The following COL20A1 variants were observed in gnomAD, a reference collection of about 807,000 sequenced individuals.
COL20A1 encodes collagen alpha-1(XX) chain.
COL20A1 carries 164 observed loss-of-function variants against 152.9 expected under a neutral mutation model. The ratio of observed to expected loss-of-function variants is 1.07; its 90% CI spans 0.94 to 1.22. The LOEUF (loss-of-function observed/expected upper bound fraction) is 1.22. Ranked by LOEUF, COL20A1 falls within the 50% of genes most tolerant of loss-of-function variation. The probability of loss-of-function intolerance (pLI) is 0.00; values close to 1 mark genes in which losing one functional copy is unlikely to be tolerated. For missense variants in COL20A1, 1,873 were observed against 1,744.8 expected (o/e 1.07, Z -1.31); for synonymous variants, 864 against 756.0 (o/e 1.14, Z -2.34).
intron 25 of COL20A1, 125 bp downstream of exon 25, chr20:63,320,493 C>A: frequency 1.0e-6 from 1 of 960,326 alleles, no homozygotes; most frequent in Non-Finnish European, 1.6e-6. Context: ...TCAGGGAAGG[C>A]TTTCAGAGGA....
intron 35 of COL20A1, among the ~76,000 whole-genome samples, chr20:63,329,992 G>A (rs1400665069): frequency 8.5e-5 from 13 of 152,154 alleles, no homozygotes; most frequent in African/African-American, 2.9e-4. Flanking sequence ...CCTGACCAGG[G>A]TTAGCGCAGC....
intron 27 of COL20A1, among the ~76,000 whole-genome samples, chr20:63,322,923 C>G (rs1342981590): frequency 6.6e-6 from 1 of 152,260 alleles, no homozygotes; most frequent in Non-Finnish European, 1.5e-5. Context: ...GCTGGAGCCT[C>G]AGAGCACATC....
intron 27 of COL20A1, chr20:63,325,230 G>A (rs777967194): frequency 2.9e-5 from 20 of 694,656 alleles, no homozygotes; most frequent in East Asian, 2.7e-4. Flanking sequence ...GGTGGCAAGC[G>A]TGACCTTGTC....
intron 29 of COL20A1, among the ~76,000 whole-genome samples, 181 bp downstream of exon 29, chr20:63,325,902 C>G (rs1222445549): frequency 6.6e-6 from 1 of 152,050 alleles, no homozygotes; most frequent in African/African-American, 2.4e-5. Context: ...AGAGCTCCAG[C>G]CCACCCCAGG....
rs372981936 is a variant in COL20A1, at chr20:63,297,953, G to A, written c.126G>A (p.Leu42=). 6 of 1,613,200 alleles carry A rather than the reference G, an allele frequency of 3.7e-6. No homozygotes were observed. The highest frequency in any genetic ancestry group is 5.1e-6 in the Non-Finnish European group (6 of 1,179,854). ...LRLAVLPEDR[L]QMKWRESEGS... ...TGGCTGTGCTGCCTGAGGACCGGCT[G>A]CAGATGAAGTGGAGAGAGTCGGAGG... is the stretch of plus-strand genomic sequence containing the variant. The change falls in exon 3 of 36, where the codon CTG becomes CTA. Residue 42 remains leucine (L), a synonymous_variant. Transcript: ENST00000358894.
chr20:63,320,376 C>T lies in COL20A1; in HGVS notation c.3153+8C>T. ...TGTGAGCTCCCTGCCTCGGTGTGCC[C>T]CGTCCCTTGCCCCTGTTCCACGAAG... On this transcript the variant is annotated splice_region_variant and intron_variant, in intron 25 of 35. Transcript: ENST00000358894. 3 of 1,610,322 alleles carry T rather than the reference C, an allele frequency of 1.9e-6. No homozygotes were observed. The highest frequency in any genetic ancestry group is 2.5e-6 in the Non-Finnish European group (3 of 1,179,612).
chr20:63,306,105 C>T lies in COL20A1; in HGVS notation c.496+66C>T. 1.4e-6 allele frequency: 2 copies of T among 1,412,386 alleles called. No individual in the cohort carries two copies. The highest frequency in any genetic ancestry group is 9.6e-7 in the Non-Finnish European group (1 of 1,039,404). The allele number at this position is 1,412,386 out of a possible 1,614,324, so 87.5% of individuals were successfully genotyped here. ...GTGACCTTTGGTTTCCCACATTTCC[C>T]ACCATGAGGCCAGGAAGTTCTTCCT... On this transcript the variant is annotated intron_variant, in intron 5 of 35. Transcript: ENST00000358894. This position sits in a 1 kb window ranked among gnomAD's most constrained non-coding sequence, Gnocchi z 6.9.
rs2068350757 is a variant in COL20A1 at position 63,332,917 on chromosome 20, T to G, written c.*2201T>G. On this transcript the variant is annotated 3_prime_UTR_variant, in exon 36 of 36. Coordinates refer to ENST00000358894, the MANE Select transcript of COL20A1 (RefSeq NM_020882.4). The stretch of plus-strand genomic sequence containing the variant: ...AAGGGAGCTGAGAGCAGCCTCCGGA[T>G]GCACCAAACCGGCCTGGCTCCTGTT... 2 of 152,266 alleles carry G rather than the reference T, an allele frequency of 1.3e-5. No homozygotes were observed. The highest frequency in any genetic ancestry group is 6.5e-5 in the Admixed American group (1 of 15,282). The allele number at this position is 152,266 out of a possible 1,614,324, so 9.4% of individuals were successfully genotyped here.
At position 63,313,539 on chromosome 20, in the gene COL20A1, G is replaced by T. The variant is rs1466625219; in HGVS notation, c.2210-204G>T. Among the ~76,000 whole-genome samples, 1 of 152,084 alleles carries T rather than the reference G, an allele frequency of 6.6e-6. No homozygotes were observed. Among genetic ancestry groups the T allele is most frequent in the Non-Finnish European group, 1.5e-5 (1 of 67,960 alleles). On this transcript the variant is annotated intron_variant, in intron 17 of 35. Coordinates refer to ENST00000358894, the MANE Select transcript of COL20A1 (RefSeq NM_020882.4). The surrounding 1 kb of genome is among the most constrained non-coding windows in gnomAD (Gnocchi z 5.9). ...GGGCCCTGGCAGGTGGCGTGGTGTG[G>T]GTGTGGTGGGGTGCGGTGTGGGCAG...
Position 63,315,453 on chromosome 20 carries a change from G to A in COL20A1, c.2524+14G>A. ...GCTCCCTCCCAGGTGGGTCCTGCAT[G>A]CCCTCCCCTGCCTGCCCACCCACAG... On this transcript the variant is annotated intron_variant, in intron 20 of 35. Coordinates refer to ENST00000358894, the MANE Select transcript of COL20A1 (RefSeq NM_020882.4). 1 of 1,561,012 alleles carries A rather than the reference G, an allele frequency of 6.4e-7. No individual in the cohort carries two copies. The highest frequency in any genetic ancestry group is 8.6e-7 in the Non-Finnish European group (1 of 1,157,812).
chr20:63,308,551 T>C lies in COL20A1; in HGVS notation c.785T>C (p.Leu262Pro). 6.3e-7 allele frequency: 1 copy of C among 1,599,796 alleles called. No homozygotes were observed. Among genetic ancestry groups the C allele is most frequent in the Non-Finnish European group, 8.5e-7 (1 of 1,173,778 alleles). The part of the protein sequence containing the change: ...KGGNTFTGLA[L>P]THVLGQNLQP... Reference sequence around the variant, plus strand: ...TCCTGCTGCTCCCAAGGCCTTGCCCTGACCCACGTGCTGGGGCAGAACCTG... The same window carrying C: ...TCCTGCTGCTCCCAAGGCCTTGCCCCGACCCACGTGCTGGGGCAGAACCTG... Residue 262 changes from leucine (L) to proline (P), a missense_variant, in exon 8 of 36, where the codon CTG (leucine) becomes CCG (proline). Physicochemically the swap from Leu to Pro is moderately conservative, Grantham distance 98 (BLOSUM62 -3). Coordinates refer to ENST00000358894, the MANE Select transcript of COL20A1 (RefSeq NM_020882.4).
chr20:63,316,767 G>C (rs1038175156), intron 21 of COL20A1, 76 bp downstream of exon 21: 11 of 1,375,900 alleles, frequency 8.0e-6, no homozygotes, highest in South Asian at 6.0e-5. Flanking sequence ...ATGGTGGGGG[G>C]GCGGGCATGG....
Position 63,319,547 on chromosome 20 carries a change from C to A in COL20A1, c.2867C>A (p.Thr956Asn), listed in dbSNP as rs1172914714. The change falls in exon 23 of 36, where the codon ACC (threonine) becomes AAC (asparagine). Residue 956 changes from threonine (T) to asparagine (N), a missense_variant. By Grantham distance (65) the Thr-to-Asn change is moderately conservative. Transcript: ENST00000358894. The surrounding 1 kb of genome is among the most constrained non-coding windows in gnomAD (Gnocchi z 4.4). The stretch of plus-strand genomic sequence containing the variant: ...CCCAGGGCTGCCTTGCAGGAGGCCA[C>A]CTTCGACCCGCAGGAAGTGAGGAAG... The part of the protein sequence containing the change: ...RDPRAALQEA[T>N]FDPQEVRKIF... 1.9e-6 allele frequency: 3 copies of A among 1,598,498 alleles called. No individual in the cohort carries two copies. The highest frequency in any genetic ancestry group is 2.6e-6 in the Non-Finnish European group (3 of 1,173,330).
Position 63,311,588 on chromosome 20 carries a change from C to G in COL20A1, c.1540-37C>G. 1 of 1,609,858 alleles carries G rather than the reference C, an allele frequency of 6.2e-7. No homozygotes were observed. Among genetic ancestry groups the G allele is most frequent in the Non-Finnish European group, 8.5e-7 (1 of 1,179,374 alleles). ...GGGGAGGCAGAGGAGTGGGGCAGAGCGAGTGGGGGCTGGCCTGGGACGTCA... is the reference window on the plus strand; with the variant it reads ...GGGGAGGCAGAGGAGTGGGGCAGAGGGAGTGGGGGCTGGCCTGGGACGTCA... On this transcript the variant is annotated intron_variant, in intron 12 of 35. Coordinates refer to ENST00000358894, the MANE Select transcript of COL20A1 (RefSeq NM_020882.4). The surrounding 1 kb of genome is among the most constrained non-coding windows in gnomAD (Gnocchi z 4.4).
intron 3 of COL20A1, among the ~76,000 whole-genome samples, chr20:63,298,714 C>T (rs563476983): frequency 1.3e-5 from 2 of 152,306 alleles, no homozygotes; most frequent in Non-Finnish European, 2.9e-5. Context: ...ATCCTTGTTT[C>T]CAGGAGCAGG....
chr20:63,328,548 C>G (rs777947872), intron 34 of COL20A1, 50 bp downstream of exon 34: 18 of 1,538,398 alleles, frequency 1.2e-5, no homozygotes, highest in Non-Finnish European at 1.5e-5. Flanking sequence ...GTGGGGGCGC[C>G]GGTTGTCCCC....
At chr20:63,330,169 G>A (rs542897567) in intron 35 of COL20A1, among the ~76,000 whole-genome samples, 3 of 152,238 alleles carry the variant, frequency 2.0e-5, no homozygotes, top group South Asian at 4.1e-4. Flanking sequence ...AGGAAGCGCT[G>A]GGCAGGCGGA....
chr20:63,305,957 C>G lies in COL20A1; in HGVS notation c.414C>G (p.Pro138=), dbSNP rs762378153. The part of the protein sequence containing the change: ...PLGSGAPEPT[P]SHTGSPDPEQ... ...GCTCTGGAGCCCCGGAGCCCACCCC[C>G]TCCCACACGGGGAGCCCAGACCCTG... The change falls in exon 5 of 36, where the codon CCC becomes CCG. Residue 138 remains proline, a synonymous_variant. Transcript: ENST00000358894. The surrounding 1 kb of genome is among the most constrained non-coding windows in gnomAD (Gnocchi z 4.9). 2 of 1,612,672 alleles carry G rather than the reference C, an allele frequency of 1.2e-6. No homozygotes were observed. The highest frequency in any genetic ancestry group is 8.5e-7 in the Non-Finnish European group (1 of 1,179,794).
At position 63,319,242 on chromosome 20, in the gene COL20A1, A is replaced by G. The variant is rs1232676935; in HGVS notation, c.2806+42A>G. On this transcript the variant is annotated intron_variant, in intron 22 of 35. Coordinates refer to ENST00000358894, the MANE Select transcript of COL20A1 (RefSeq NM_020882.4). The surrounding 1 kb of genome is among the most constrained non-coding windows in gnomAD (Gnocchi z 4.4). The stretch of plus-strand genomic sequence containing the variant: ...GTCGCCCCCAGCAGTCAGGAGGAGT[A>G]GGGGCAGGGAGGCCCCAGAGCCCTG... The G allele has an allele frequency of 1.9e-6, 3 of 1,585,872 alleles. No homozygotes were observed. Among genetic ancestry groups the G allele is most frequent in the Non-Finnish European group, 2.6e-6 (3 of 1,164,926 alleles).
Sources: gnomAD v4.1 joint callset for allele counts (sites outside exome capture counted in the v4.1 genomes callset) on GRCh38, gnomAD v4.1.1 for gene constraint, Gnocchi (gnomAD v3.1) non-coding constraint, MANE v1.5 for transcripts, NCBI Gene and HGNC (gene_info 2026-07-23, HGNC 2026-07-21) for gene names.